The following GPSM2 variants were observed in gnomAD, a reference collection of about 807,000 sequenced individuals.
The protein encoded by GPSM2 is G protein signaling modulator 2, also known as G protein-signaling modulator 2.
A neutral mutation model predicts 78.4 loss-of-function variants in GPSM2; 58 were observed. That is an observed-to-expected ratio of 0.74 (90% CI 0.60 to 0.92). The LOEUF is 0.92. Ranked by LOEUF, GPSM2 falls within the 40% of genes least tolerant of loss-of-function variation. The pLI is 0.00. For missense variants in GPSM2, 700 were observed against 815.5 expected, an observed-to-expected ratio of 0.86 and a Z score of 1.73; for synonymous variants, 224 against 280.2, an observed-to-expected ratio of 0.80 and a Z score of 2.00.
At chr1:108,915,355 G>A (rs1296071946) in intron 11 of GPSM2, among the ~76,000 whole-genome samples, 4 of 128,576 alleles carry the variant, frequency 3.1e-5, no homozygotes, top group South Asian at 4.9e-4. Flanking sequence ...TGGCAACAGA[G>A]CGAGACTTGT....
At position 108,930,126 on chromosome 1, in the gene GPSM2, G is replaced by C; in HGVS notation, c.*186G>C. The C allele has an allele frequency of 1.6e-6, 1 of 607,680 alleles. No homozygotes were observed. Among genetic ancestry groups the C allele is most frequent in the Non-Finnish European group, 2.9e-6 (1 of 350,232 alleles). The allele number at this position is 607,680 out of a possible 1,614,324, so 37.6% of individuals were successfully genotyped here. A position where few individuals can be genotyped will look rare whatever the true frequency, so the allele number is the denominator to read the frequency against. On this transcript the variant is annotated 3_prime_UTR_variant, in exon 15 of 15. Coordinates refer to ENST00000264126, the MANE Select transcript of GPSM2 (RefSeq NM_013296.5). ...CTCTGGACATGCGCGTTTGAGGGTG[G>C]AGGGGTCCTGTAAGGTGCTTCATCG...
chr1:108,884,983 G>A (rs1016468584), intron 1 of GPSM2, among the ~76,000 whole-genome samples: 3 of 152,094 alleles, frequency 2.0e-5, no homozygotes, highest in African/African-American at 7.2e-5. Flanking sequence ...CAGCAATTTT[G>A]TTTTTAGATG....
intron 4 of GPSM2, 142 bp downstream of exon 4, chr1:108,897,769 A>G: frequency 4.1e-6 from 4 of 967,112 alleles, no homozygotes; most frequent in Non-Finnish European, 6.0e-6. Flanking sequence ...AGTAAAAGAA[A>G]AAAAATTTAA....
At chr1:108,895,726 T>C (rs1361493488) in intron 2 of GPSM2, among the ~76,000 whole-genome samples, 4 of 152,180 alleles carry the variant, frequency 2.6e-5, no homozygotes, top group Middle Eastern at 3.4e-3. Flanking sequence ...GATTGTACAT[T>C]ATGGTGAATG....
At chr1:108,901,422 C>T (rs1365484830) in intron 7 of GPSM2, among the ~76,000 whole-genome samples, 1 of 152,096 alleles carries the variant, frequency 6.6e-6, no homozygotes, top group East Asian at 1.9e-4. Context: ...TGATTGAAAA[C>T]AGATGTCATG....
At chr1:108,889,158 C>A (rs1184019972) in intron 2 of GPSM2, among the ~76,000 whole-genome samples, 1 of 152,202 alleles carries the variant, frequency 6.6e-6, no homozygotes, top group South Asian at 2.1e-4. Flanking sequence ...GCCATTTTTA[C>A]TTGCTGCAGA....
chr1:108,897,107 A>G, intron 3 of GPSM2, 22 bp downstream of exon 3: 1 of 1,484,630 alleles, frequency 6.7e-7, no homozygotes, highest in Non-Finnish European at 9.4e-7. Context: ...AAGCTTTTAA[A>G]TATTCTTCCT....
chr1:108,919,569 C>T (rs1229161329), intron 12 of GPSM2, among the ~76,000 whole-genome samples: 1 of 152,074 alleles, frequency 6.6e-6, no homozygotes, highest in Non-Finnish European at 1.5e-5. Context: ...GAAACTCTGT[C>T]TCTACCAAAA....
intron 14 of GPSM2, among the ~76,000 whole-genome samples, chr1:108,928,927 T>G (rs915889404): frequency 6.7e-6 from 1 of 149,544 alleles, no homozygotes; most frequent in African/African-American, 2.5e-5. Flanking sequence ...AGATGGAGGT[T>G]GCAGTGAGCC....
rs1167503582 is a variant in GPSM2, at chr1:108,922,503, T to C, written c.1527T>C (p.Cys509=). The change falls in exon 13 of 15, where the codon TGT becomes TGC. Residue 509 remains cysteine, a synonymous_variant. Transcript: ENST00000264126. The part of the protein sequence containing the change: ...FQSNRMDDQR[C]CLQEKNCHTA... ...GCAATAGGATGGATGATCAGAGATGTTGCTTACAAGAAAAGAACTGCCATA... is the reference window on the plus strand; with the variant it reads ...GCAATAGGATGGATGATCAGAGATGCTGCTTACAAGAAAAGAACTGCCATA... 6.2e-7 allele frequency: 1 copy of C among 1,612,368 alleles called. No individual in the cohort carries two copies. The highest frequency in any genetic ancestry group is 8.5e-7 in the Non-Finnish European group (1 of 1,178,804).
chr1:108,930,873 A>T lies in GPSM2; in HGVS notation c.*933A>T, dbSNP rs1032413840. 1 of 147,598 alleles carries T rather than the reference A, an allele frequency of 6.8e-6. No homozygotes were observed. The highest frequency in any genetic ancestry group is 2.6e-5 in the African/African-American group (1 of 37,976). The allele number at this position is 147,598 out of a possible 1,614,324, so 9.1% of individuals were successfully genotyped here. ...GCCACTGGACTCCAGCCTGAGTGAC[A>T]GAGCAAGACTCTGTCTCAAAAAAAA... On this transcript the variant is annotated 3_prime_UTR_variant, in exon 15 of 15. Coordinates refer to ENST00000264126, the MANE Select transcript of GPSM2 (RefSeq NM_013296.5).
intron 2 of GPSM2, among the ~76,000 whole-genome samples, chr1:108,887,693 T>C (rs1397495685): frequency 6.6e-6 from 1 of 152,182 alleles, no homozygotes; most frequent in Non-Finnish European, 1.5e-5. Flanking sequence ...CCCTTCTAGA[T>C]GGGCTGCTTA....
At chr1:108,927,898 G>A (rs1651250197) in intron 14 of GPSM2, among the ~76,000 whole-genome samples, 1 of 152,166 alleles carries the variant, frequency 6.6e-6, no homozygotes, top group African/African-American at 2.4e-5. Context: ...AGGAGTTCAA[G>A]GCTGCAGTGA....
chr1:108,909,433 AATAAG>A (rs1053263338), intron 10 of GPSM2, among the ~76,000 whole-genome samples: 7 of 152,368 alleles, frequency 4.6e-5, no homozygotes, highest in Admixed American at 2.0e-4. Context: ...TTTAGAAATT[AATAAG>A]ATAATATATA....
chr1:108,917,611 C>CATATATATATATATATAT (rs55909258), intron 11 of GPSM2, among the ~76,000 whole-genome samples: 36 of 22,644 alleles, frequency 1.6e-3, no homozygotes, highest in Non-Finnish European at 1.7e-3. Flanking sequence ...CACACACACA[C>CATATATATATATATATAT]ATATATATAT....
At chr1:108,911,832 G>C (rs1020914613) in intron 10 of GPSM2, among the ~76,000 whole-genome samples, 3 of 133,792 alleles carry the variant, frequency 2.2e-5, no homozygotes, top group African/African-American at 9.0e-5. Context: ...TTAAAGACAG[G>C]CTCTTACTCT....
At chr1:108,905,413 A>ATGG (rs777846406) in intron 10 of GPSM2, among the ~76,000 whole-genome samples, 1 of 152,102 alleles carries the variant, frequency 6.6e-6, no homozygotes, top group Non-Finnish European at 1.5e-5. Context: ...TGCCCTCACC[A>ATGG]TGTCTCTGAG....
In GPSM2 at chr1:108,923,488, G is replaced by C. The variant is rs568094816; in HGVS notation, c.1601-512G>C. On this transcript the variant is annotated intron_variant, in intron 13 of 14. Coordinates refer to ENST00000264126, the MANE Select transcript of GPSM2 (RefSeq NM_013296.5). ...ATGGCTAAGGCTGAGGCTAAGGCCT[G>C]GCTGAGTTAGAAAGGACTAAAATAG... is the stretch of plus-strand genomic sequence containing the variant. Among the ~76,000 whole-genome samples, 4 of 151,720 alleles carry C rather than the reference G, an allele frequency of 2.6e-5. No individual in the cohort carries two copies. In the East Asian group the frequency reaches 7.7e-4, roughly 29 times the overall value.
At position 108,930,098 on chromosome 1, in the gene GPSM2, C is replaced by T. The variant is rs1163227512; in HGVS notation, c.*158C>T. On this transcript the variant is annotated 3_prime_UTR_variant, in exon 15 of 15. Transcript: ENST00000264126. ...TCAGTAGTCTATTAAGGCATTAATA[C>T]TTCTCTGGACATGCGCGTTTGAGGG... The T allele has an allele frequency of 1.5e-6, 1 of 688,942 alleles. No homozygotes were observed. Among genetic ancestry groups the T allele is most frequent in the African/African-American group, 1.8e-5 (1 of 55,668 alleles). The allele number at this position is 688,942 out of a possible 1,614,324, so 42.7% of individuals were successfully genotyped here.
Sources: gnomAD v4.1 joint callset for allele counts (sites outside exome capture counted in the v4.1 genomes callset) on GRCh38, gnomAD v4.1.1 for gene constraint, MANE v1.5 for transcripts, NCBI Gene and HGNC (gene_info 2026-07-23, HGNC 2026-07-21) for gene names.